SEMA3A: variants seen among roughly 807,000 people sequenced by gnomAD.
The protein encoded by SEMA3A is semaphorin-3A.
Under a neutral mutation model 97.9 loss-of-function variants are expected in SEMA3A, and 29 were observed. The ratio of observed to expected loss-of-function variants is 0.30; its 90% CI spans 0.22 to 0.40. SEMA3A has a LOEUF of 0.40. Ranked by LOEUF, SEMA3A falls within the 10% of genes least tolerant of loss-of-function variation. The pLI is 1.00. For synonymous variants in SEMA3A, 321 were observed against 323.7 expected (o/e 0.99, Z 0.09); for missense variants, 763 against 951.3 (o/e 0.80, Z 2.60).
chr7:84,242,740 T>C (rs553860386), intron 3 of SEMA3A, among the ~76,000 whole-genome samples: 2 of 152,298 alleles, frequency 1.3e-5, no homozygotes, highest in South Asian at 4.1e-4. Flanking sequence ...CTTCCAGCTT[T>C]TGCCCATTCA....
At chr7:84,377,932 C>T (rs1803150285) in intron 1 of SEMA3A, among the ~76,000 whole-genome samples, 1 of 151,998 alleles carries the variant, frequency 6.6e-6, no homozygotes, top group Non-Finnish European at 1.5e-5. Context: ...ATCTATTTAC[C>T]TGAATATAGC....
At chr7:84,212,894 T>C (rs1003893812) in intron 3 of SEMA3A, among the ~76,000 whole-genome samples, 1 of 152,214 alleles carries the variant, frequency 6.6e-6, no homozygotes, top group Admixed American at 6.5e-5. Context: ...AAGTAGTACA[T>C]AACAGCAATA....
At chr7:84,000,889 G>C (rs1248867452) in intron 12 of SEMA3A, among the ~76,000 whole-genome samples, 1 of 152,042 alleles carries the variant, frequency 6.6e-6, no homozygotes. Context: ...GTTGGGGTAA[G>C]ACATCTTGGG....
chr7:84,200,335 T>A (rs1156274489), intron 3 of SEMA3A, among the ~76,000 whole-genome samples: 1 of 152,108 alleles, frequency 6.6e-6, no homozygotes, highest in African/African-American at 2.4e-5. Flanking sequence ...CAGATAGTCA[T>A]TAATGATGGC....
intron 3 of SEMA3A, among the ~76,000 whole-genome samples, chr7:84,305,139 A>T (rs1035442388): frequency 1.3e-5 from 2 of 151,916 alleles, no homozygotes; most frequent in African/African-American, 4.8e-5. Context: ...AGAATTAGAC[A>T]AGAAAAATAT....
At chr7:84,057,402 C>T (rs956249618) in intron 5 of SEMA3A, among the ~76,000 whole-genome samples, 8 of 152,158 alleles carry the variant, frequency 5.3e-5, no homozygotes, top group Admixed American at 5.2e-4. Context: ...TGAGTAATTG[C>T]TATCTTTAGT....
At chr7:84,212,314 A>C (rs1364165202) in intron 3 of SEMA3A, among the ~76,000 whole-genome samples, 4 of 152,198 alleles carry the variant, frequency 2.6e-5, no homozygotes, top group Admixed American at 1.3e-4. Context: ...TAAAAACAAA[A>C]ACTATTTAGA....
intron 2 of SEMA3A, among the ~76,000 whole-genome samples, chr7:84,329,723 G>A (rs1409795933): frequency 1.3e-5 from 2 of 152,006 alleles, no homozygotes; most frequent in Non-Finnish European, 2.9e-5. Context: ...AAAATACAGT[G>A]CTACATTATA....
At chr7:84,278,260 G>A (rs1472184460) in intron 3 of SEMA3A, among the ~76,000 whole-genome samples, 1 of 152,010 alleles carries the variant, frequency 6.6e-6, no homozygotes, top group East Asian at 1.9e-4. Flanking sequence ...TCTCATTTCT[G>A]TCTGAGACCT....
At chr7:84,043,711 T>C (rs1792233237) in intron 6 of SEMA3A, among the ~76,000 whole-genome samples, 1 of 152,134 alleles carries the variant, frequency 6.6e-6, no homozygotes, top group South Asian at 2.1e-4. Context: ...CATATCTGTA[T>C]CTTCCATCTT....
chr7:84,283,056 A>G (rs1046871343), intron 3 of SEMA3A, among the ~76,000 whole-genome samples: 6 of 152,114 alleles, frequency 3.9e-5, no homozygotes, highest in African/African-American at 1.4e-4. Context: ...AAATTATGTA[A>G]ATTTTATTTA....
intron 3 of SEMA3A, among the ~76,000 whole-genome samples, chr7:84,121,841 G>A (rs1795626090): frequency 2.2e-5 from 1 of 46,320 alleles, no homozygotes; most frequent in African/African-American, 8.2e-5. Flanking sequence ...GGGTTTCACC[G>A]TTTTAGCCGG....
rs1584476400 is a variant in SEMA3A, at chr7:83,957,567, C to T, written c.*3804G>A. 1 of 151,996 alleles carries T rather than the reference C, an allele frequency of 6.6e-6. No individual in the cohort carries two copies. The highest frequency in any genetic ancestry group is 2.4e-5 in the African/African-American group (1 of 41,380). 9.4% of individuals were successfully genotyped at this position (151,996 alleles called of 1,614,324 possible). A position where few individuals can be genotyped will look rare whatever the true frequency, so the allele number is the denominator to read the frequency against. On this transcript the variant is annotated 3_prime_UTR_variant, in exon 17 of 17. Coordinates refer to ENST00000265362, the MANE Select transcript of SEMA3A (RefSeq NM_006080.3). ...TTGGTTACGTTGATTGCGAAACTGTCCTTACTATATGGGCTGTCACATATG... is the reference window on the plus strand; with the variant it reads ...TTGGTTACGTTGATTGCGAAACTGTTCTTACTATATGGGCTGTCACATATG...
At chr7:84,412,606 C>A (rs1392944276) in intron 1 of SEMA3A, among the ~76,000 whole-genome samples, 1 of 152,122 alleles carries the variant, frequency 6.6e-6, no homozygotes, top group Non-Finnish European at 1.5e-5. Flanking sequence ...AAAGAAGGAT[C>A]ACCACATTCC....
At chr7:84,160,248 TC>T (rs1796987220) in intron 1 of SEMA3A, among the ~76,000 whole-genome samples, 1 of 147,322 alleles carries the variant, frequency 6.8e-6, no homozygotes, top group African/African-American at 2.5e-5. Flanking sequence ...TATCTATCTA[TC>T]TATCTATCTA....
chr7:84,262,437 A>G (rs923785052), intron 3 of SEMA3A, among the ~76,000 whole-genome samples: 1 of 151,454 alleles, frequency 6.6e-6, no homozygotes, highest in Non-Finnish European at 1.5e-5. Flanking sequence ...CTGGTCTTGA[A>G]CTCCTGACCT....
intron 1 of SEMA3A, among the ~76,000 whole-genome samples, chr7:84,159,050 T>C (rs1796942406): frequency 6.6e-6 from 1 of 152,150 alleles, no homozygotes. Flanking sequence ...TTCATGTTAC[T>C]TGCTGGCCCT....
In SEMA3A at chr7:84,294,460, A is replaced by T. The variant is rs112477880; in HGVS notation, c.-83+12747T>A. Among the ~76,000 whole-genome samples the T allele has an allele frequency of 3.3e-5, 5 of 152,136 alleles. 1 individual carries two copies. Among genetic ancestry groups the T allele is most frequent in the African/African-American group, 1.2e-4 (5 of 41,532 alleles). On this transcript the variant is annotated intron_variant, in intron 3 of 3. Transcript: ENST00000424555. ...ATGATTTGCTCAGTTTTATATTAGG[A>T]TATTTGTCCATATTTATCACCATAA...
chr7:84,423,956 C>T (rs1036990877), intron 1 of SEMA3A, among the ~76,000 whole-genome samples: 5 of 151,894 alleles, frequency 3.3e-5, no homozygotes, highest in African/African-American at 1.2e-4. Flanking sequence ...ACACCTTACC[C>T]CAGCAAGAAT....
Sources: gnomAD v4.1 joint callset for allele counts (sites outside exome capture counted in the v4.1 genomes callset) on GRCh38, gnomAD v4.1.1 for gene constraint, MANE v1.5 for transcripts, NCBI Gene and HGNC (gene_info 2026-07-23, HGNC 2026-07-21) for gene names.